The following GPC6 variants were observed in gnomAD, a reference collection of about 807,000 sequenced individuals.
GPC6 encodes glypican-6.
Under a neutral mutation model 55.2 loss-of-function variants are expected in GPC6, and 14 were observed. The ratio of observed to expected loss-of-function variants is 0.25; its 90% confidence interval spans 0.17 to 0.40. The LOEUF is 0.40. Among genes scored for constraint, GPC6 ranks in the 10% least tolerant of loss-of-function variants. GPC6 has a pLI of 1.00. For synonymous variants in GPC6, 278 were observed against 259.6 expected, an observed-to-expected ratio of 1.07 and a Z score of -0.68; for missense variants, 641 against 708.5, an observed-to-expected ratio of 0.90 and a Z score of 1.08.
intron 3 of GPC6, among the ~76,000 whole-genome samples, chr13:94,001,223 A>T (rs1881785605): frequency 1.3e-5 from 2 of 152,180 alleles, no homozygotes; most frequent in South Asian, 4.1e-4. Context: ...AGACATTACT[A>T]TGAGGATTAA....
intron 4 of GPC6, among the ~76,000 whole-genome samples, chr13:94,241,573 C>T (rs1891054775): frequency 6.6e-6 from 1 of 152,114 alleles, no homozygotes; most frequent in South Asian, 2.1e-4. Context: ...ATGGTGACAG[C>T]AGGTTCTGCA....
At chr13:93,684,311 G>A (rs749731419) in intron 2 of GPC6, among the ~76,000 whole-genome samples, 3 of 151,874 alleles carry the variant, frequency 2.0e-5, no homozygotes, top group Admixed American at 6.6e-5. Context: ...TCAACCTCCC[G>A]AGTAGCTGGG....
At chr13:94,005,375 A>G (rs1881975375) in intron 3 of GPC6, among the ~76,000 whole-genome samples, 1 of 152,228 alleles carries the variant, frequency 6.6e-6, no homozygotes, top group East Asian at 1.9e-4. Flanking sequence ...TCTGCATAAA[A>G]TAGTAGCCTC....
chr13:93,577,552 T>C (rs1483086780), intron 2 of GPC6, among the ~76,000 whole-genome samples: 1 of 152,128 alleles, frequency 6.6e-6, no homozygotes, highest in African/African-American at 2.4e-5. Flanking sequence ...TGTATGTTGA[T>C]TTTGTGTCCT....
At chr13:93,665,267 C>A (rs1384350975) in intron 2 of GPC6, among the ~76,000 whole-genome samples, 1 of 152,182 alleles carries the variant, frequency 6.6e-6, no homozygotes, top group Non-Finnish European at 1.5e-5. Flanking sequence ...TGCAGCCATG[C>A]AGCCATGCAA....
chr13:93,246,519 T>C (rs1876606734), intron 1 of GPC6, among the ~76,000 whole-genome samples: 1 of 152,078 alleles, frequency 6.6e-6, no homozygotes, highest in South Asian at 2.1e-4. Flanking sequence ...TTTTATTTAC[T>C]ATTTTCTTAA....
chr13:93,705,091 T>A (rs1406656946), intron 2 of GPC6, among the ~76,000 whole-genome samples: 1 of 151,942 alleles, frequency 6.6e-6, no homozygotes, highest in Non-Finnish European at 1.5e-5. Flanking sequence ...GAAAAACAAC[T>A]CACAACTTTG....
intron 1 of GPC6, among the ~76,000 whole-genome samples, chr13:93,520,042 A>C (rs1375737144): frequency 6.6e-6 from 1 of 151,982 alleles, no homozygotes; most frequent in African/African-American, 2.4e-5. Flanking sequence ...CATTCATCAT[A>C]GATTTTACTA....
intron 2 of GPC6, among the ~76,000 whole-genome samples, chr13:93,695,853 G>C (rs1166874517): frequency 6.6e-6 from 1 of 152,010 alleles, no homozygotes; most frequent in Non-Finnish European, 1.5e-5. Flanking sequence ...TGCAGGTTTT[G>C]AACCTATTTT....
intron 1 of GPC6, among the ~76,000 whole-genome samples, chr13:93,455,685 T>TA (rs896363628): frequency 1.3e-5 from 2 of 152,044 alleles, no homozygotes; most frequent in African/African-American, 4.8e-5. Flanking sequence ...AAGGAATTAT[T>TA]ATGGTTGAAT....
intron 2 of GPC6, among the ~76,000 whole-genome samples, chr13:93,593,625 T>C (rs1877588144): frequency 6.6e-6 from 1 of 152,170 alleles, no homozygotes; most frequent in African/African-American, 2.4e-5. Context: ...TCTGGAAACA[T>C]TGAGCTATAT....
chr13:93,235,419 G>A (rs1044394443), intron 1 of GPC6, among the ~76,000 whole-genome samples: 5 of 152,150 alleles, frequency 3.3e-5, no homozygotes, highest in African/African-American at 1.2e-4. Flanking sequence ...TCTTGGCAGA[G>A]AGGTGACATG....
At chr13:93,852,841 C>G (rs1282140280) in intron 3 of GPC6, among the ~76,000 whole-genome samples, 1 of 151,638 alleles carries the variant, frequency 6.6e-6, no homozygotes, top group Non-Finnish European at 1.5e-5. Flanking sequence ...TTCACCCTCT[C>G]TCTTATTGGC....
intron 4 of GPC6, among the ~76,000 whole-genome samples, chr13:94,273,986 C>T (rs1892124113): frequency 6.6e-6 from 1 of 152,052 alleles, no homozygotes; most frequent in South Asian, 2.1e-4. Flanking sequence ...CTTTGATGTC[C>T]ATCACATTCA....
chr13:94,190,036 T>C (rs1268512313), intron 4 of GPC6, among the ~76,000 whole-genome samples: 1 of 144,386 alleles, frequency 6.9e-6, no homozygotes, highest in Non-Finnish European at 1.5e-5. Context: ...AAAAAAAAAG[T>C]ATGCAGGCCA....
chr13:93,371,641 G>A (rs1183651707), intron 1 of GPC6, among the ~76,000 whole-genome samples: 2 of 152,036 alleles, frequency 1.3e-5, no homozygotes, highest in Non-Finnish European at 2.9e-5. Context: ...TTGTAGTGAG[G>A]AGTTCAGACA....
At chr13:93,937,447 A>T (rs1239398621) in intron 3 of GPC6, among the ~76,000 whole-genome samples, 1 of 152,224 alleles carries the variant, frequency 6.6e-6, no homozygotes, top group Non-Finnish European at 1.5e-5. Context: ...CATAACTGGG[A>T]CATATCTGAA....
intron 4 of GPC6, among the ~76,000 whole-genome samples, chr13:94,081,211 T>G (rs968530662): frequency 8.5e-5 from 13 of 152,346 alleles, no homozygotes; most frequent in African/African-American, 3.1e-4. Context: ...AATATTTGTA[T>G]CAGCCAACCA....
At chr13:94,252,598 T>C (rs1287873611) in intron 4 of GPC6, among the ~76,000 whole-genome samples, 2 of 152,120 alleles carry the variant, frequency 1.3e-5, no homozygotes, top group African/African-American at 4.8e-5. Context: ...TGCTCTCCCC[T>C]GTACCCACCA....
Sources: allele counts gnomAD v4.1 joint callset (sites outside exome capture counted in the v4.1 genomes callset), GRCh38; gene constraint gnomAD v4.1.1; transcripts MANE v1.5; gene names NCBI Gene and HGNC (gene_info 2026-07-23, HGNC 2026-07-21).